The following TRIP12 variants were observed in gnomAD, a reference collection of about 807,000 sequenced individuals.
TRIP12 encodes the protein E3 ubiquitin-protein ligase TRIP12.
TRIP12 carries 25 observed loss-of-function variants against 244.2 expected under a neutral mutation model. The ratio of observed to expected loss-of-function variants is 0.10; its 90% CI spans 0.07 to 0.14. The LOEUF is 0.14. Among genes scored for constraint, TRIP12 ranks in the 10% least tolerant of loss-of-function variants. TRIP12 has a pLI of 1.00. For synonymous variants in TRIP12, 905 were observed against 873.1 expected, an observed-to-expected ratio of 1.04 and a Z score of -0.64; for missense variants, 1,677 against 2,486.4, an observed-to-expected ratio of 0.67 and a Z score of 6.92.
intron 13 of TRIP12, among the ~76,000 whole-genome samples, chr2:229,813,423 T>A (rs1269264086): frequency 6.6e-6 from 1 of 152,074 alleles, no homozygotes; most frequent in Non-Finnish European, 1.5e-5. Flanking sequence ...TGGATAAAAA[T>A]AAAAAATATC....
At chr2:229,828,288 G>A (rs1237351970) in intron 8 of TRIP12, among the ~76,000 whole-genome samples, 1 of 151,514 alleles carries the variant, frequency 6.6e-6, no homozygotes, top group Non-Finnish European at 1.5e-5. Context: ...GGTAAATACA[G>A]GTTTCAGATA....
At chr2:229,903,199 A>C (rs2071577342) in intron 1 of TRIP12, among the ~76,000 whole-genome samples, 1 of 151,908 alleles carries the variant, frequency 6.6e-6, no homozygotes, top group Admixed American at 6.6e-5. Context: ...TCAAGCCTTG[A>C]CAGCCATTCA....
At position 229,817,317 on chromosome 2, in the gene TRIP12, T is replaced by C. The variant is rs759662938; in HGVS notation, c.1599+1047A>G. 8.5e-5 allele frequency among the ~76,000 whole-genome samples: 13 copies of C among 152,240 alleles called. 1 individual carries two copies. Among genetic ancestry groups the C allele is most frequent in the Non-Finnish European group, 1.9e-4 (13 of 68,042 alleles). On this transcript the variant is annotated intron_variant, in intron 9 of 41. Transcript: ENST00000675903. ...CATACCACAAATGTAAATGTTTATG[T>C]TTGTCTTTTGGTAGTGTTTGATTTA...
chr2:229,814,448 G>A (rs1221848720), intron 11 of TRIP12, 123 bp from the exon 12 acceptor site: 5 of 860,544 alleles, frequency 5.8e-6, no homozygotes, highest in Non-Finnish European at 8.8e-6. Context: ...ACCCACCATA[G>A]GATGCAAGTC....
rs185807213 is a variant in TRIP12, at chr2:229,802,467, A to G, written c.2999-8T>C. Reference sequence around the variant, plus strand: ...TTACTTGATGCATTACACCTTTATAATAACAGAGATGAAAGGGAGTCAGTT... The same window carrying G: ...TTACTTGATGCATTACACCTTTATAGTAACAGAGATGAAAGGGAGTCAGTT... On this transcript the variant is annotated splice_region_variant and splice_polypyrimidine_tract_variant and intron_variant, in intron 20 of 41. Coordinates refer to ENST00000675903, the MANE Select transcript of TRIP12 (RefSeq NM_001348323.3). 4.8e-5 allele frequency: 77 copies of G among 1,603,210 alleles called. No homozygotes were observed. In the African/African-American group the frequency reaches 8.8e-4, roughly 18 times the overall value.
chr2:229,822,222 T>C (rs1408371408), intron 8 of TRIP12, among the ~76,000 whole-genome samples: 1 of 152,036 alleles, frequency 6.6e-6, no homozygotes, highest in Non-Finnish European at 1.5e-5. Context: ...TCTTCTGCAG[T>C]CTCATGGTGC....
chr2:229,851,369 T>G (rs1437541323), intron 4 of TRIP12, among the ~76,000 whole-genome samples: 2 of 152,048 alleles, frequency 1.3e-5, no homozygotes, highest in Admixed American at 1.3e-4. Flanking sequence ...GTCAACACTC[T>G]GTATCTAGCT....
chr2:229,848,698 G>T (rs1393445614), intron 4 of TRIP12, among the ~76,000 whole-genome samples: 4 of 152,174 alleles, frequency 2.6e-5, no homozygotes, highest in African/African-American at 7.2e-5. Context: ...TGTAAGTCCT[G>T]AGTCTTCAGA....
At chr2:229,887,442 A>T (rs1252223062) in intron 1 of TRIP12, among the ~76,000 whole-genome samples, 1 of 152,194 alleles carries the variant, frequency 6.6e-6, no homozygotes, top group African/African-American at 2.4e-5. Flanking sequence ...AAACTCTATC[A>T]TGAAGGGCCA....
intron 2 of TRIP12, among the ~76,000 whole-genome samples, chr2:229,863,263 T>C (rs1262107084): frequency 4.1e-5 from 6 of 147,236 alleles, no homozygotes; most frequent in Admixed American, 6.8e-5. Flanking sequence ...AAAAAAAAAA[T>C]CAACAATGCC....
At chr2:229,855,621 AAAAG>A (rs79774117) in intron 4 of TRIP12, among the ~76,000 whole-genome samples, 7 of 134,510 alleles carry the variant, frequency 5.2e-5, no homozygotes, top group East Asian at 2.4e-4. Context: ...AAAAAAAAAA[AAAAG>A]AGAAAAGAAA....
chr2:229,823,634 C>T lies in TRIP12; in HGVS notation c.1451-5122G>A, dbSNP rs111798827. Among the ~76,000 whole-genome samples the T allele has an allele frequency of 4.4e-3, 671 of 151,692 alleles. 6 individuals are homozygous for T. The highest frequency in any genetic ancestry group is 0.016 in the African/African-American group (649 of 41,382). On this transcript the variant is annotated intron_variant, in intron 8 of 41. Transcript: ENST00000675903. ...GAGCTTGCAGTGAGCTGAGATCGCG[C>T]CACTGCACTCCAACCTGGGCAACAG...
intron 40 of TRIP12, 91 bp from the exon 41 acceptor site, chr2:229,768,810 G>T (rs926288951): frequency 8.3e-7 from 1 of 1,198,014 alleles, no homozygotes; most frequent in Admixed American, 2.9e-5. Flanking sequence ...ATAAAAATTA[G>T]ATTAGCACTT....
At chr2:229,922,402 C>G, upstream of TRIP12, 2 of 1,011,458 alleles carry the variant, frequency 2.0e-6, no homozygotes. Flanking sequence ...AGTTAGAAAT[C>G]CTTCTGCCAG....
intron 1 of TRIP12, among the ~76,000 whole-genome samples, chr2:229,884,524 A>AT (rs2065594897): frequency 6.6e-6 from 1 of 152,098 alleles, no homozygotes; most frequent in African/African-American, 2.4e-5. Context: ...GGCGTGGACC[A>AT]CTGCCTGTGC....
At chr2:229,850,574 G>C (rs1019309462) in intron 4 of TRIP12, among the ~76,000 whole-genome samples, 2 of 152,168 alleles carry the variant, frequency 1.3e-5, no homozygotes, top group African/African-American at 4.8e-5. Flanking sequence ...CACAGCCCTC[G>C]CTCGCTCTCG....
At chr2:229,867,171 G>GTT (rs11335613) in intron 2 of TRIP12, among the ~76,000 whole-genome samples, 12 of 123,550 alleles carry the variant, frequency 9.7e-5, no homozygotes, top group South Asian at 5.3e-4. Flanking sequence ...TTGTTTGTTT[G>GTT]TTTTTTTTTT....
chr2:229,845,004 C>T (rs931138336), intron 4 of TRIP12, among the ~76,000 whole-genome samples: 3 of 152,206 alleles, frequency 2.0e-5, no homozygotes, highest in Non-Finnish European at 4.4e-5. Flanking sequence ...ACCATCATCA[C>T]CCTTTTTTCT....
intron 1 of TRIP12, among the ~76,000 whole-genome samples, chr2:229,891,519 T>C (rs2154362255): frequency 6.6e-6 from 1 of 152,272 alleles, no homozygotes; most frequent in East Asian, 1.9e-4. Context: ...GGAGGACTGC[T>C]TGAGCCCAGG....
Sources: allele counts gnomAD v4.1 joint callset (sites outside exome capture counted in the v4.1 genomes callset), GRCh38; gene constraint gnomAD v4.1.1; transcripts MANE v1.5; gene names NCBI Gene and HGNC (gene_info 2026-07-23, HGNC 2026-07-21).